The following MAP3K13 variants were observed in gnomAD, a reference collection of about 807,000 sequenced individuals.
MAP3K13 encodes leucine zipper-bearing kinase.
In MAP3K13, 52 loss-of-function variants were observed where a neutral mutation model predicts 104.0. The observed-to-expected ratio is 0.50, with a 90% CI of 0.40 to 0.63. MAP3K13 has a LOEUF of 0.63. Among genes scored for constraint, MAP3K13 ranks in the 20% least tolerant of loss-of-function variants. The pLI, the probability that MAP3K13 is intolerant of heterozygous loss-of-function variation, is 0.00. For synonymous variants in MAP3K13, 394 were observed against 442.2 expected (o/e 0.89, Z 1.37); for missense variants, 914 against 1,218.5 (o/e 0.75, Z 3.72).
chr3:185,473,704 C>T lies in MAP3K13; in HGVS notation c.2373C>T (p.Gly791=). The part of the protein sequence containing the change: ...FSGCRSESSL[G]TSHLGTPPAL... ...GCTGTAGGTCTGAGTCATCCCTCGG[C>T]ACCTCTCATCTCGGCACCCCTCCAG... The change falls in exon 11 of 14, where the codon GGC becomes GGT. Residue 791 remains glycine (G), a synonymous_variant. Coordinates refer to ENST00000265026, the MANE Select transcript of MAP3K13 (RefSeq NM_004721.5). The surrounding 1 kb of genome is among the most constrained non-coding windows in gnomAD (Gnocchi z 4.9). 2 of 1,614,120 alleles carry T rather than the reference C, an allele frequency of 1.2e-6. No homozygotes were observed. The highest frequency in any genetic ancestry group is 1.7e-6 in the Non-Finnish European group (2 of 1,180,042).
At chr3:185,470,112 T>G (rs912219002) in intron 10 of MAP3K13, among the ~76,000 whole-genome samples, 1 of 152,222 alleles carries the variant, frequency 6.6e-6, no homozygotes, top group African/African-American at 2.4e-5. Flanking sequence ...CCGGTTCCAC[T>G]ATACCTTTTT....
chr3:185,300,503 TC>T (rs1357152401), intron 2 of MAP3K13, among the ~76,000 whole-genome samples: 1 of 148,584 alleles, frequency 6.7e-6, no homozygotes, highest in African/African-American at 2.5e-5. Flanking sequence ...TTCTTTTTTT[TC>T]TTTTTCAGAT....
At chr3:185,295,410 G>A (rs1185552437) in intron 2 of MAP3K13, among the ~76,000 whole-genome samples, 1 of 152,116 alleles carries the variant, frequency 6.6e-6, no homozygotes, top group East Asian at 1.9e-4. Context: ...TCACCATGTG[G>A]GCCAGGCTGG....
intron 7 of MAP3K13, among the ~76,000 whole-genome samples, chr3:185,457,445 G>A (rs1053944258): frequency 2.0e-5 from 3 of 152,196 alleles, no homozygotes; most frequent in Non-Finnish European, 4.4e-5. Context: ...TCTGGTGAGG[G>A]CCTGAGTTCT....
At chr3:185,382,161 A>G (rs1194555073) in intron 1 of MAP3K13, among the ~76,000 whole-genome samples, 2 of 152,334 alleles carry the variant, frequency 1.3e-5, no homozygotes, top group East Asian at 3.9e-4. Flanking sequence ...TTTCCTAAAC[A>G]TATATACCTA....
intron 1 of MAP3K13, among the ~76,000 whole-genome samples, chr3:185,376,286 GTA>G (rs1312045028): frequency 6.6e-6 from 1 of 152,210 alleles, no homozygotes; most frequent in Non-Finnish European, 1.5e-5. Context: ...GGAGCAGAAA[GTA>G]TATGTGTCAG....
chr3:185,369,698 T>C (rs1351697092), intron 1 of MAP3K13, among the ~76,000 whole-genome samples: 1 of 152,222 alleles, frequency 6.6e-6, no homozygotes, highest in East Asian at 1.9e-4. Flanking sequence ...TTCTTTTGCT[T>C]TTAAAAACAC....
At chr3:185,439,463 A>T (rs1473104950) in intron 3 of MAP3K13, among the ~76,000 whole-genome samples, 1 of 152,106 alleles carries the variant, frequency 6.6e-6, no homozygotes, top group Non-Finnish European at 1.5e-5. Flanking sequence ...CCTTCATTTT[A>T]CTACACTGAG....
At chr3:185,329,564 C>T (rs1722168834) in intron 2 of MAP3K13, among the ~76,000 whole-genome samples, 3 of 152,212 alleles carry the variant, frequency 2.0e-5, no homozygotes, top group African/African-American at 4.8e-5. Flanking sequence ...CACGCAACTT[C>T]GGAGAAATCT....
intron 9 of MAP3K13, among the ~76,000 whole-genome samples, chr3:185,466,369 CTTTTT>C (rs59523963): frequency 1.2e-5 from 1 of 85,302 alleles, no homozygotes; most frequent in African/African-American, 4.5e-5. Flanking sequence ...TTAGTATTTC[CTTTTT>C]TTTTTTTTTT....
In MAP3K13 at chr3:185,483,200, T is replaced by G. The variant is rs1232020206; in HGVS notation, c.*744T>G. On this transcript the variant is annotated 3_prime_UTR_variant, in exon 14 of 14. Transcript: ENST00000265026. The stretch of plus-strand genomic sequence containing the variant: ...CAAACCTGTGTATGTGGAAGCTGGT[T>G]TCATTTTTAAATGTTTAAGCAGCAG... The G allele has an allele frequency of 8.6e-6, 2 of 232,990 alleles. No individual in the cohort carries two copies. Among genetic ancestry groups the G allele is most frequent in the Non-Finnish European group, 1.7e-5 (2 of 117,940 alleles). 14.4% of individuals were successfully genotyped at this position (232,990 alleles called of 1,614,324 possible).
intron 1 of MAP3K13, chr3:185,285,276 A>C (rs1231131500): frequency 1.0e-5 from 2 of 193,636 alleles, no homozygotes; most frequent in Non-Finnish European, 2.2e-5. Flanking sequence ...AGAATACATA[A>C]AATTATGGTA....
chr3:185,417,619 A>T (rs1243883080), intron 1 of MAP3K13: 1 of 1,611,542 alleles, frequency 6.2e-7, no homozygotes, highest in East Asian at 2.2e-5. Context: ...CTTAACACCA[A>T]CAGCAGCCTT....
At chr3:185,390,837 G>A (rs1312337522) in intron 1 of MAP3K13, among the ~76,000 whole-genome samples, 1 of 151,820 alleles carries the variant, frequency 6.6e-6, no homozygotes, top group Non-Finnish European at 1.5e-5. Flanking sequence ...TGGCCAGGAT[G>A]GTCTCGATCT....
At chr3:185,453,446 GTGTC>G (rs1256689128) in intron 7 of MAP3K13, among the ~76,000 whole-genome samples, 1 of 152,216 alleles carries the variant, frequency 6.6e-6, no homozygotes, top group South Asian at 2.1e-4. Context: ...CACCAGGAAA[GTGTC>G]TGATGAAAAC....
At chr3:185,356,714 A>G (rs1214334413) in intron 2 of MAP3K13, among the ~76,000 whole-genome samples, 1 of 152,154 alleles carries the variant, frequency 6.6e-6, no homozygotes, top group Non-Finnish European at 1.5e-5. Context: ...ACTAATTATT[A>G]CGACCAGGGA....
chr3:185,362,146 G>T (rs1367168712), upstream of MAP3K13, among the ~76,000 whole-genome samples: 1 of 152,168 alleles, frequency 6.6e-6, no homozygotes, highest in Non-Finnish European at 1.5e-5. Flanking sequence ...TATTAACCAC[G>T]ATCGTTCTAG....
upstream of MAP3K13, among the ~76,000 whole-genome samples, chr3:185,360,552 T>C (rs1171102417): frequency 6.6e-6 from 1 of 152,202 alleles, no homozygotes; most frequent in Non-Finnish European, 1.5e-5. Flanking sequence ...GGAGTCTTTG[T>C]TGGCCTAGCT....
Position 185,324,552 on chromosome 3 carries a change from A to G in MAP3K13, c.-86+38909A>G, listed in dbSNP as rs117160056. ...GATTTCCCAGTACTTTTCAACAACC[A>G]CCCCTGCTATGACCAGCCTGGTTTC... On this transcript the variant is annotated intron_variant, in intron 2 of 14. Transcript: ENST00000424227. Among the ~76,000 whole-genome samples the G allele has an allele frequency of 2.6e-3, 396 of 152,146 alleles. 16 individuals carry two copies. The East Asian group carries it at 0.068, about 26-fold the overall frequency.
Sources: allele counts gnomAD v4.1 joint callset (sites outside exome capture counted in the v4.1 genomes callset), GRCh38; gene constraint gnomAD v4.1.1; non-coding constraint Gnocchi (gnomAD v3.1); transcripts MANE v1.5; gene names NCBI Gene and HGNC (gene_info 2026-07-23, HGNC 2026-07-21).